The following ASIC1 variants were observed in gnomAD, a reference collection of about 807,000 sequenced individuals.
The protein encoded by ASIC1 is acid-sensing ion channel 1.
ASIC1 carries 21 observed loss-of-function variants against 63.4 expected under a neutral mutation model. That is an observed-to-expected ratio of 0.33 (90% CI 0.23 to 0.48). The LOEUF (loss-of-function observed/expected upper bound fraction) is 0.48, where lower values mean the gene tolerates loss of function less well. Among genes scored for constraint, ASIC1 ranks in the 20% least tolerant of loss-of-function variants. ASIC1 has a pLI of 0.99. For missense variants in ASIC1, 478 were observed against 695.5 expected (o/e 0.69, Z 3.52); for synonymous variants, 258 against 278.2 (o/e 0.93, Z 0.72).
intron 3 of ASIC1, among the ~76,000 whole-genome samples, chr12:50,075,175 G>A (rs1281742960): frequency 4.6e-5 from 7 of 151,994 alleles, no homozygotes; most frequent in Admixed American, 4.6e-4. Context: ...CCATCCCTCA[G>A]TCCTCCACCC....
At chr12:50,069,255 A>T (rs1377096961) in intron 3 of ASIC1, among the ~76,000 whole-genome samples, 1 of 107,320 alleles carries the variant, frequency 9.3e-6, no homozygotes, top group African/African-American at 3.6e-5. Context: ...TTTATTTTTT[A>T]TTTTATTTAT....
At position 50,074,310 on chromosome 12, in the gene ASIC1, A is replaced by C; in HGVS notation, c.559-2903A>C. 7.1e-6 allele frequency: 10 copies of C among 1,408,966 alleles called. No individual in the cohort carries two copies. The highest frequency in any genetic ancestry group is 3.2e-5 in the South Asian group (2 of 62,472). The allele number at this position is 1,408,966 out of a possible 1,614,324, so 87.3% of individuals were successfully genotyped here. ...TCTGCCATGGCTGTCCCTGACTGTC[A>C]CCTCCTGGGGTTGGGGCTGGGGCTG... On this transcript the variant is annotated intron_variant, in intron 3 of 11. Transcript: ENST00000447966. This position sits in a 1 kb window ranked among gnomAD's most constrained non-coding sequence, Gnocchi z 4.2.
intron 3 of ASIC1, among the ~76,000 whole-genome samples, chr12:50,071,738 C>T (rs1950601984): frequency 6.6e-6 from 1 of 152,016 alleles, no homozygotes. Context: ...CTCCGCCTCC[C>T]GGGTTCAAGC....
rs1384082995 is a variant in ASIC1, at chr12:50,057,799, G to GGCGGCCGCGGGCT, written c.-133_-121dup. ...TGCAGGGCTCTGCGCGGCGTGCCGC[G>GGCGGCCGCGGGCT]GCGGCCGCGGGCTCCGGCCCCGGGC... On this transcript the variant is annotated 5_prime_UTR_variant, in exon 1 of 12. Transcript: ENST00000447966. The surrounding 1 kb of genome is among the most constrained non-coding windows in gnomAD (Gnocchi z 4.7). 1 of 149,714 alleles carries GGCGGCCGCGGGCT rather than the reference G, an allele frequency of 6.7e-6. No homozygotes were observed. The highest frequency in any genetic ancestry group is 1.5e-5 in the Non-Finnish European group (1 of 67,172). The allele number at this position is 149,714 out of a possible 1,614,324, so 9.3% of individuals were successfully genotyped here. A position where few individuals can be genotyped will look rare whatever the true frequency, so the allele number is the denominator to read the frequency against.
At chr12:50,062,464 AAGAAGGT>A (rs1398853362) in intron 3 of ASIC1, among the ~76,000 whole-genome samples, 1 of 152,210 alleles carries the variant, frequency 6.6e-6, no homozygotes, top group Non-Finnish European at 1.5e-5. Flanking sequence ...TCACTGAGGA[AAGAAGGT>A]AGTCAGGGAA....
At chr12:50,067,430 A>T (rs1950556022) in intron 3 of ASIC1, among the ~76,000 whole-genome samples, 2 of 142,444 alleles carry the variant, frequency 1.4e-5, no homozygotes, top group African/African-American at 5.2e-5. Context: ...TTTTTTTGAG[A>T]CGGAGTTTTG....
At chr12:50,077,433 C>T in intron 4 of ASIC1, 70 bp downstream of exon 4, 1 of 1,594,174 alleles carries the variant, frequency 6.3e-7, no homozygotes, top group South Asian at 1.1e-5. Flanking sequence ...GATTCCTGGG[C>T]TTCACTGTGA....
intron 3 of ASIC1, among the ~76,000 whole-genome samples, chr12:50,065,096 A>C (rs1370659530): frequency 6.6e-6 from 1 of 152,120 alleles, no homozygotes; most frequent in East Asian, 1.9e-4. Flanking sequence ...GGTTCATAGA[A>C]TATGTTGGTG....
chr12:50,081,806 C>CAGAGAGAGGA lies in ASIC1; in HGVS notation c.*157_*158insAGAGAGAGGA. On this transcript the variant is annotated 3_prime_UTR_variant, in exon 12 of 12. Coordinates refer to ENST00000447966, the MANE Select transcript of ASIC1 (RefSeq NM_001095.4). ...AAGGAAGGAGTCTTGACCATAGAGT[C>CAGAGAGAGGA]CTCTCTCTGCCTCTATCCCATTCTT... is the stretch of plus-strand genomic sequence containing the variant. The CAGAGAGAGGA allele has an allele frequency of 1.6e-6, 1 of 624,832 alleles. No homozygotes were observed. Among genetic ancestry groups the CAGAGAGAGGA allele is most frequent in the Non-Finnish European group, 2.8e-6 (1 of 358,440 alleles). 38.7% of individuals were successfully genotyped at this position (624,832 alleles called of 1,614,324 possible).
chr12:50,064,469 C>T (rs1172314567), intron 3 of ASIC1, among the ~76,000 whole-genome samples: 1 of 152,192 alleles, frequency 6.6e-6, no homozygotes, highest in African/African-American at 2.4e-5. Flanking sequence ...TGACTCCATC[C>T]CTCTCTCAGA....
intron 3 of ASIC1, chr12:50,073,532 C>T (rs1384002551): frequency 6.9e-7 from 1 of 1,457,326 alleles, no homozygotes; most frequent in Non-Finnish European, 9.0e-7. Context: ...TCCCCTCTGG[C>T]ACCTTCCCCC....
chr12:50,064,075 G>T (rs1236175102), intron 3 of ASIC1, among the ~76,000 whole-genome samples: 1 of 152,148 alleles, frequency 6.6e-6, no homozygotes, highest in Non-Finnish European at 1.5e-5. Context: ...GGTCTTCATG[G>T]GTGGGAAGGG....
In ASIC1 at chr12:50,078,852, GC is replaced by G; in HGVS notation, c.995-70del. On this transcript the variant is annotated intron_variant, in intron 6 of 11. Transcript: ENST00000447966. This position sits in a 1 kb window ranked among gnomAD's most constrained non-coding sequence, Gnocchi z 6.0. ...TCTTCTCCCAGCTTACACCTTCTAG[GC>G]CTTTGGTACTACCACCATCACCAGA... 6.5e-7 allele frequency: 1 copy of G among 1,531,188 alleles called. No homozygotes were observed. The highest frequency in any genetic ancestry group is 9.0e-7 in the Non-Finnish European group (1 of 1,105,096). The allele number at this position is 1,531,188 out of a possible 1,614,324, so 94.9% of individuals were successfully genotyped here.
rs766103987 is a variant in ASIC1 at position 50,059,860 on chromosome 12, G to A, written c.464G>A (p.Arg155His). Residue 155 changes from arginine (R) to histidine (H), a missense_variant, in exon 3 of 12, where the codon CGT becomes CAT. By Grantham distance (29) the Arg-to-His change is conservative. Around this residue, in one of 3 missense-constraint regions of ASIC1, gnomAD observed 290 missense variants for 414.9 expected, o/e 0.70. Coordinates refer to ENST00000447966, the MANE Select transcript of ASIC1 (RefSeq NM_001095.4). The surrounding 1 kb of genome is among the most constrained non-coding windows in gnomAD (Gnocchi z 4.6). ...RSFKPKPFNM[R>H]EFYDRAGHDI... ...TTCAAACCCAAACCCTTCAACATGC[G>A]TGAGTTCTACGACCGAGCTGGGCAC... The A allele has an allele frequency of 9.3e-6, 15 of 1,614,086 alleles. No homozygotes were observed. The highest frequency in any genetic ancestry group is 4.5e-5 in the East Asian group (2 of 44,904).
chr12:50,081,005 C>G, intron 9 of ASIC1, 97 bp from the exon 10 acceptor site: 1 of 1,134,376 alleles, frequency 8.8e-7, no homozygotes, highest in Non-Finnish European at 1.3e-6. Flanking sequence ...GCTACCAATC[C>G]CTTTGAGAAT....
chr12:50,061,700 T>C (rs542176377), intron 3 of ASIC1, among the ~76,000 whole-genome samples: 1 of 152,282 alleles, frequency 6.6e-6, no homozygotes, highest in African/African-American at 2.4e-5. Flanking sequence ...AGATATAAAT[T>C]TGGGCACAGT....
At chr12:50,069,777 C>G (rs1950581148) in intron 3 of ASIC1, among the ~76,000 whole-genome samples, 1 of 152,032 alleles carries the variant, frequency 6.6e-6, no homozygotes, top group Non-Finnish European at 1.5e-5. Flanking sequence ...TCTGTCTTCC[C>G]TGTTCGACAG....
At position 50,063,774 on chromosome 12, in the gene ASIC1, G is replaced by T. The variant is rs769399663; in HGVS notation, c.558+3820G>T. Reference sequence around the variant, plus strand: ...GGCGCCTGATCCTGGGACCCAAAGTGGGGAGAGAGAAGTCATCTTAAAGCA... The same window carrying T: ...GGCGCCTGATCCTGGGACCCAAAGTTGGGAGAGAGAAGTCATCTTAAAGCA... On this transcript the variant is annotated intron_variant, in intron 3 of 11. Coordinates refer to ENST00000447966, the MANE Select transcript of ASIC1 (RefSeq NM_001095.4). 2.0e-5 allele frequency among the ~76,000 whole-genome samples: 3 copies of T among 152,124 alleles called. No individual in the cohort carries two copies. In the East Asian group the frequency reaches 5.8e-4, roughly 29 times the overall value.
chr12:50,075,059 C>T (rs1950640795), intron 3 of ASIC1, among the ~76,000 whole-genome samples: 1 of 152,058 alleles, frequency 6.6e-6, no homozygotes, highest in South Asian at 2.1e-4. Flanking sequence ...GGGGGGCCAC[C>T]TGGTACCCCA....
Sources: allele counts gnomAD v4.1 joint callset (sites outside exome capture counted in the v4.1 genomes callset), GRCh38; gene constraint gnomAD v4.1.1; regional missense constraint gnomAD v4.1.1; non-coding constraint Gnocchi (gnomAD v3.1); transcripts MANE v1.5; gene names NCBI Gene and HGNC (gene_info 2026-07-23, HGNC 2026-07-21).